QTRT2: variants seen among roughly 807,000 people sequenced by gnomAD.
The protein encoded by QTRT2 is queuine tRNA-ribosyltransferase domain containing 1.
A neutral mutation model predicts 44.8 loss-of-function variants in QTRT2; 32 were observed. The ratio of observed to expected loss-of-function variants is 0.71; its 90% CI spans 0.54 to 0.96. QTRT2 has a LOEUF of 0.96. Ranked by LOEUF, QTRT2 falls within the 40% of genes least tolerant of loss-of-function variation. The pLI is 0.00. For synonymous variants in QTRT2, 182 were observed against 187.4 expected (o/e 0.97, Z 0.24); for missense variants, 461 against 503.1 (o/e 0.92, Z 0.80).
chr3:114,058,289 C>A (rs1440834648), intron 2 of QTRT2, among the ~76,000 whole-genome samples: 1 of 151,608 alleles, frequency 6.6e-6, no homozygotes, highest in Non-Finnish European at 1.5e-5. Flanking sequence ...TTTTTTTGGT[C>A]TCTTTTCCTT....
At chr3:114,076,014 A>T (rs2077086345) in intron 6 of QTRT2, among the ~76,000 whole-genome samples, 1 of 152,176 alleles carries the variant, frequency 6.6e-6, no homozygotes, top group Admixed American at 6.5e-5. Flanking sequence ...TTGTGAGTAG[A>T]TAGTCAGTTG....
chr3:114,059,787 G>A (rs7611761), intron 2 of QTRT2, among the ~76,000 whole-genome samples: 4,820 of 151,950 alleles, frequency 0.032, 235 homozygotes, highest in African/African-American at 0.11. Context: ...TTTTCTCTTC[G>A]TTAATATGTT....
chr3:114,058,277 CT>C (rs923439393), intron 2 of QTRT2, among the ~76,000 whole-genome samples: 1 of 151,836 alleles, frequency 6.6e-6, no homozygotes, highest in Non-Finnish European at 1.5e-5. Flanking sequence ...TTTTCTATTT[CT>C]TTTTTTTGGT....
chr3:114,087,270 T>C lies in QTRT2; in HGVS notation c.*1366T>C, dbSNP rs1038975627. 2 of 152,246 alleles carry C rather than the reference T, an allele frequency of 1.3e-5. No individual in the cohort carries two copies. Among genetic ancestry groups the C allele is most frequent in the African/African-American group, 2.4e-5 (1 of 41,466 alleles). 9.4% of individuals were successfully genotyped at this position (152,246 alleles called of 1,614,324 possible). ...AGTGGGCATTACTTAACATTGTTTC[T>C]AATTATTTTGTGGCTGCTGTATGTT... On this transcript the variant is annotated 3_prime_UTR_variant, in exon 10 of 10. Transcript: ENST00000281273.
chr3:114,075,023 G>A (rs1191651120), intron 6 of QTRT2, among the ~76,000 whole-genome samples: 1 of 152,102 alleles, frequency 6.6e-6, no homozygotes, highest in Admixed American at 6.5e-5. Context: ...ATAAACCTTG[G>A]CACATGTGAA....
chr3:114,068,307 G>C (rs2076980903), intron 5 of QTRT2: 2 of 414,300 alleles, frequency 4.8e-6, no homozygotes, highest in African/African-American at 4.0e-5. Context: ...TGAGGGTAGA[G>C]GAGGGTCAAA....
intron 5 of QTRT2, among the ~76,000 whole-genome samples, 155 bp from the exon 6 acceptor site, chr3:114,070,471 G>A (rs2077010038): frequency 6.6e-6 from 1 of 152,264 alleles, no homozygotes; most frequent in Admixed American, 6.5e-5. Context: ...AGGATTATCT[G>A]TAAGCTATAA....
chr3:114,065,395 C>G lies in QTRT2; in HGVS notation c.138C>G (p.Thr46=). ...YTKTGSAPHL[T]HHTLHNIHGV... ...AGACTGGCTCCGCCCCACACCTCAC[C>G]CATCACACGCTGCATAATATCCACG... Residue 46 remains threonine (T), a synonymous_variant, in exon 3 of 10, where the codon ACC becomes ACG. Coordinates refer to ENST00000281273, the MANE Select transcript of QTRT2 (RefSeq NM_024638.4). 1 of 1,614,182 alleles carries G rather than the reference C, an allele frequency of 6.2e-7. No homozygotes were observed. The highest frequency in any genetic ancestry group is 8.5e-7 in the Non-Finnish European group (1 of 1,180,032).
At chr3:114,068,914 T>G (rs1362705923) in intron 5 of QTRT2, among the ~76,000 whole-genome samples, 1 of 152,084 alleles carries the variant, frequency 6.6e-6, no homozygotes, top group Admixed American at 6.6e-5. Flanking sequence ...CCAGGTGTGG[T>G]GGCACACGCC....
intron 2 of QTRT2, among the ~76,000 whole-genome samples, chr3:114,063,697 TAGAAAGTAGTTATTCTTTTTTTTTA>T (rs990226293): frequency 3.9e-5 from 6 of 152,156 alleles, no homozygotes; most frequent in Admixed American, 1.3e-4. Context: ...TTAGACCATA[TAGAAAGTAGTTATTCTTTTTTTTTA>T]AGAAAGTAGT....
rs2077242020 is a variant in QTRT2 at position 114,086,777 on chromosome 3, C to T, written c.*873C>T. 6.6e-6 allele frequency: 1 copy of T among 152,306 alleles called. No homozygotes were observed. Among genetic ancestry groups the T allele is most frequent in the Admixed American group, 6.5e-5 (1 of 15,288 alleles). The allele number at this position is 152,306 out of a possible 1,614,324, so 9.4% of individuals were successfully genotyped here. ...TAGTCTCCATCCTGCTCAGATATGA[C>T]TCCTGGGCAATTCACTTAACTTCTC... On this transcript the variant is annotated 3_prime_UTR_variant, in exon 10 of 10. Transcript: ENST00000281273.
In QTRT2 at chr3:114,065,294, C is replaced by T. The variant is rs566061138; in HGVS notation, c.37C>T (p.Arg13Cys). The stretch of plus-strand genomic sequence containing the variant: ...TCTTACCAAGGTAGTTAATGGCTGT[C>T]GCCTAGGAAAAATAAAAAACCTGGG... ...LSLTKVVNGC[R>C]LGKIKNLGKT... The change falls in exon 3 of 10, where the codon CGC (arginine) becomes TGC (cysteine). Residue 13 changes from arginine (R) to cysteine (C), a missense_variant. Physicochemically the swap from Arg to Cys is radical, Grantham distance 180 (BLOSUM62 -3). Transcript: ENST00000281273. The T allele has an allele frequency of 1.7e-5, 27 of 1,613,948 alleles. No individual in the cohort carries two copies. Among genetic ancestry groups the T allele is most frequent in the East Asian group, 4.5e-5 (2 of 44,874 alleles).
chr3:114,068,287 C>CA, intron 5 of QTRT2: 4 of 394,110 alleles, frequency 1.0e-5, no homozygotes, highest in Non-Finnish European at 1.4e-5. Flanking sequence ...TTCATTGTTG[C>CA]AAAAAAATTT....
chr3:114,086,542 G>A lies in QTRT2; in HGVS notation c.*638G>A, dbSNP rs140683287. On this transcript the variant is annotated 3_prime_UTR_variant, in exon 10 of 10. Coordinates refer to ENST00000281273, the MANE Select transcript of QTRT2 (RefSeq NM_024638.4). ...CTTCATTTGACCACATGGCCTATTT[G>A]CAACTTCTTTTTAGAGCCAATGTAA... The A allele has an allele frequency of 1.2e-4, 18 of 153,672 alleles. No individual in the cohort carries two copies. The East Asian group carries it at 3.3e-3, about 28-fold the overall frequency. The allele number at this position is 153,672 out of a possible 1,614,324, so 9.5% of individuals were successfully genotyped here.
intron 9 of QTRT2, among the ~76,000 whole-genome samples, chr3:114,084,993 G>A (rs1278621464): frequency 6.6e-6 from 1 of 152,208 alleles, no homozygotes; most frequent in Non-Finnish European, 1.5e-5. Context: ...CTGGTGGTAA[G>A]TGGGAAGGAA....
At chr3:114,062,609 G>A (rs1328588524) in intron 2 of QTRT2, among the ~76,000 whole-genome samples, 4 of 152,220 alleles carry the variant, frequency 2.6e-5, no homozygotes, top group Middle Eastern at 3.4e-3. Context: ...GGGATATTAA[G>A]CACAGTTTTA....
At chr3:114,085,518 T>C (rs113045296) in intron 9 of QTRT2, among the ~76,000 whole-genome samples, 155 bp from the exon 10 acceptor site, 93 of 152,336 alleles carry the variant, frequency 6.1e-4, no homozygotes, top group Non-Finnish European at 1.1e-3. Context: ...TTGTTAACTT[T>C]TAACCATATT....
Position 114,067,383 on chromosome 3 carries a change from C to T in QTRT2, c.257-604C>T, listed in dbSNP as rs183908089. On this transcript the variant is annotated intron_variant, in intron 4 of 9. Coordinates refer to ENST00000281273, the MANE Select transcript of QTRT2 (RefSeq NM_024638.4). ...TTTCCTTAACGAAAATGTGGGCTAGCATATGATATTTAGGCACATGGTTTA... is the reference window on the plus strand; with the variant it reads ...TTTCCTTAACGAAAATGTGGGCTAGTATATGATATTTAGGCACATGGTTTA... Among the ~76,000 whole-genome samples the T allele has an allele frequency of 1.1e-3, 172 of 152,170 alleles. 4 individuals carry two copies. Among genetic ancestry groups the T allele is most frequent in the African/African-American group, 3.9e-3 (164 of 41,528 alleles).
intron 9 of QTRT2, among the ~76,000 whole-genome samples, chr3:114,083,554 C>CAGT (rs2077195754): frequency 6.6e-6 from 1 of 152,190 alleles, no homozygotes; most frequent in African/African-American, 2.4e-5. Flanking sequence ...TGGTAATCAT[C>CAGT]AGTGAACCAG....
Sources: allele counts gnomAD v4.1 joint callset (sites outside exome capture counted in the v4.1 genomes callset), GRCh38; gene constraint gnomAD v4.1.1; transcripts MANE v1.5; gene names NCBI Gene and HGNC (gene_info 2026-07-23, HGNC 2026-07-21).